DENND4C: variants seen among roughly 807,000 people sequenced by gnomAD.
DENND4C encodes DENN domain containing 4C, also known as DENN domain-containing protein 4C.
DENND4C carries 108 observed loss-of-function variants against 203.0 expected under a neutral mutation model. That is an observed-to-expected ratio of 0.53 (90% CI 0.46 to 0.62). The LOEUF (loss-of-function observed/expected upper bound fraction) is 0.62, where lower values mean the gene tolerates loss of function less well. Ranked by LOEUF, DENND4C falls within the 20% of genes least tolerant of loss-of-function variation. DENND4C has a pLI of 0.00. For missense variants in DENND4C, 2,481 were observed against 2,301.2 expected (o/e 1.08, Z -1.60); for synonymous variants, 871 against 792.4 (o/e 1.10, Z -1.67).
chr9:19,366,397 C>G (rs1408710701), intron 30 of DENND4C, among the ~76,000 whole-genome samples: 1 of 152,070 alleles, frequency 6.6e-6, no homozygotes, highest in African/African-American at 2.4e-5. Context: ...GTCAGGAGAT[C>G]GAGACCATCC....
In DENND4C at chr9:19,305,443, T is replaced by C. The variant is rs147017743; in HGVS notation, c.1403T>C (p.Val468Ala). The C allele has an allele frequency of 9.3e-6, 15 of 1,613,916 alleles. No homozygotes were observed. Among genetic ancestry groups the C allele is most frequent in the Admixed American group, 1.7e-5 (1 of 60,004 alleles). ...CTTAGTGCACCTTTACCATTTATAG[T>C]TGGAGTTGACTCAAGGTATTTTGAT... ...AVLSAPLPFI[V>A]GVDSRYFDLH... Residue 468 changes from valine to alanine, a missense_variant, in exon 10 of 33, where the codon GTT becomes GCT. Val to Ala is a moderately conservative substitution (Grantham distance 64). Coordinates refer to ENST00000434457, the MANE Select transcript of DENND4C (RefSeq NM_001330640.2).
At chr9:19,308,983 A>G (rs1403331695) in intron 10 of DENND4C, among the ~76,000 whole-genome samples, 1 of 152,222 alleles carries the variant, frequency 6.6e-6, no homozygotes, top group African/African-American at 2.4e-5. Context: ...AAGACCTTAT[A>G]TTATAATTCA....
chr9:19,334,894 A>C (rs1014618211), intron 17 of DENND4C, 83 bp from the exon 18 acceptor site: 15 of 1,316,232 alleles, frequency 1.1e-5, no homozygotes, highest in African/African-American at 7.5e-5. Flanking sequence ...TAATAACTTC[A>C]TGGAAAGAAT....
chr9:19,275,124 C>T (rs1189824655), intron 1 of DENND4C, among the ~76,000 whole-genome samples: 2 of 150,724 alleles, frequency 1.3e-5, no homozygotes, highest in Non-Finnish European at 3.0e-5. Flanking sequence ...ATTACAGGTG[C>T]CCACCACCAC....
chr9:19,288,497 C>A, intron 3 of DENND4C, 99 bp from the exon 4 acceptor site: 1 of 665,866 alleles, frequency 1.5e-6, no homozygotes, highest in Non-Finnish European at 2.1e-6. Context: ...TTTAAATAGA[C>A]TCTTCTGAGT....
intron 1 of DENND4C, among the ~76,000 whole-genome samples, chr9:19,274,036 A>G (rs1832329963): frequency 2.6e-5 from 4 of 152,050 alleles, no homozygotes. Context: ...ATGGATAAAC[A>G]TTGTGGTATA....
At chr9:19,238,122 G>A (rs1822496873) in intron 1 of DENND4C, among the ~76,000 whole-genome samples, 2 of 142,868 alleles carry the variant, frequency 1.4e-5, no homozygotes, top group South Asian at 4.5e-4. Flanking sequence ...CACTCGTGTT[G>A]CCCAGGCTGG....
rs1039193972 is a variant in DENND4C, at chr9:19,296,482, G to C, written c.1040+236G>C. On this transcript the variant is annotated intron_variant, in intron 6 of 32. Coordinates refer to ENST00000434457, the MANE Select transcript of DENND4C (RefSeq NM_001330640.2). Reference sequence around the variant, plus strand: ...TGGGTTCATGCAGTTCTCTGTGTCAGCCTCCCGAGTAGCTGGGATTACAGG... The same window carrying C: ...TGGGTTCATGCAGTTCTCTGTGTCACCCTCCCGAGTAGCTGGGATTACAGG... Among the ~76,000 whole-genome samples the C allele has an allele frequency of 2.6e-5, 4 of 151,250 alleles. No individual in the cohort carries two copies. The Admixed American group carries it at 2.6e-4, about 10-fold the overall frequency.
Position 19,305,523 on chromosome 9 carries a change from T to C in DENND4C, c.1483T>C (p.Tyr495His), listed in dbSNP as rs150851153. ...CATTGACTTGGATACGAACATGTTA[T>C]ATGTGTAAGTTGATTCATTTTATAT... is the stretch of plus-strand genomic sequence containing the variant. ...VCIDLDTNML[Y>H]VSDEKKNMNW... The change falls in exon 10 of 33, where the codon TAT (tyrosine) becomes CAT (histidine). Residue 495 changes from tyrosine (Y) to histidine (H), a missense_variant. By Grantham distance (83) the Tyr-to-His change is moderately conservative. Around this residue, in one of 3 missense-constraint regions of DENND4C, gnomAD observed 2,289 missense variants for 2,113.3 expected, o/e 1.08. Transcript: ENST00000434457. The C allele has an allele frequency of 8.0e-5, 129 of 1,611,084 alleles. No individual in the cohort carries two copies. In the African/African-American group the frequency reaches 1.5e-3, roughly 19 times the overall value.
At chr9:19,258,397 G>C (rs1420773217) in intron 1 of DENND4C, among the ~76,000 whole-genome samples, 1 of 152,000 alleles carries the variant, frequency 6.6e-6, no homozygotes, top group East Asian at 1.9e-4. Flanking sequence ...AGATATTACA[G>C]GAAAACTATA....
chr9:19,374,131 T>A lies in DENND4C; in HGVS notation c.*1958T>A, dbSNP rs1180489873. ...GTTGAATAAAATGAAAAATTGTTGTTTTCTGTTACATTAAGCCTCTTGAAA... is the reference window on the plus strand; with the variant it reads ...GTTGAATAAAATGAAAAATTGTTGTATTCTGTTACATTAAGCCTCTTGAAA... On this transcript the variant is annotated 3_prime_UTR_variant, in exon 33 of 33. Coordinates refer to ENST00000434457, the MANE Select transcript of DENND4C (RefSeq NM_001330640.2). 1.3e-5 allele frequency among the ~76,000 whole-genome samples: 2 copies of A among 152,204 alleles called. No homozygotes were observed. The highest frequency in any genetic ancestry group is 2.9e-5 in the Non-Finnish European group (2 of 68,042).
At chr9:19,244,774 A>C (rs1209994744) in intron 1 of DENND4C, among the ~76,000 whole-genome samples, 1 of 151,392 alleles carries the variant, frequency 6.6e-6, no homozygotes, top group Non-Finnish European at 1.5e-5. Flanking sequence ...CTTAGGGTTT[A>C]TAATATACAC....
chr9:19,321,988 C>T (rs1215135538), intron 12 of DENND4C, among the ~76,000 whole-genome samples: 1 of 152,032 alleles, frequency 6.6e-6, no homozygotes, highest in African/African-American at 2.4e-5. Context: ...TAAAGGATAG[C>T]TGTTAAAGAG....
At chr9:19,277,322 C>T (rs1329730) in intron 2 of DENND4C, among the ~76,000 whole-genome samples, 73,851 of 151,914 alleles carry the variant, frequency 0.49, 18,708 homozygotes, top group South Asian at 0.64. Context: ...AGCTTGTGAA[C>T]GTGGAATGTT....
chr9:19,277,805 C>T (rs1169843249), intron 2 of DENND4C, among the ~76,000 whole-genome samples: 2 of 152,006 alleles, frequency 1.3e-5, no homozygotes, highest in Admixed American at 1.3e-4. Context: ...CCTTAAATAC[C>T]ATTTATCATG....
chr9:19,284,225 T>C (rs1030390977), intron 2 of DENND4C, among the ~76,000 whole-genome samples: 1 of 152,220 alleles, frequency 6.6e-6, no homozygotes, highest in African/African-American at 2.4e-5. Flanking sequence ...TATACCCTAT[T>C]TTGTACTTTG....
intron 12 of DENND4C, among the ~76,000 whole-genome samples, chr9:19,323,359 G>C (rs1843206753): frequency 6.6e-6 from 1 of 151,904 alleles, no homozygotes; most frequent in Non-Finnish European, 1.5e-5. Context: ...AAACCTGGGA[G>C]GCAGAGGTTG....
intron 1 of DENND4C, among the ~76,000 whole-genome samples, chr9:19,232,920 A>C (rs988777879): frequency 6.6e-6 from 1 of 152,134 alleles, no homozygotes; most frequent in African/African-American, 2.4e-5. Context: ...AAAACATCTC[A>C]TATTTTCACT....
intron 6 of DENND4C, 146 bp from the exon 7 acceptor site, chr9:19,297,910 G>A: frequency 1.7e-6 from 1 of 571,652 alleles, no homozygotes; most frequent in Non-Finnish European, 2.9e-6. Flanking sequence ...TCATTTACAT[G>A]GAGCAAATTT....
Sources: gnomAD v4.1 joint callset for allele counts (sites outside exome capture counted in the v4.1 genomes callset) on GRCh38, gnomAD v4.1.1 for gene constraint, gnomAD v4.1.1 regional missense constraint, MANE v1.5 for transcripts, NCBI Gene and HGNC (gene_info 2026-07-23, HGNC 2026-07-21) for gene names.